ZNF592: variants seen among roughly 807,000 people sequenced by gnomAD.
The protein encoded by ZNF592 is zinc finger protein 592.
Under a neutral mutation model 80.3 loss-of-function variants are expected in ZNF592, and 11 were observed. The observed-to-expected ratio is 0.14, with a 90% CI of 0.09 to 0.23. The LOEUF is 0.23. ZNF592 is among the 10% of genes least tolerant of loss of function. The pLI is 1.00. For synonymous variants in ZNF592, 646 were observed against 640.3 expected (o/e 1.01, Z -0.13); for missense variants, 1,420 against 1,633.9 (o/e 0.87, Z 2.26).
chr15:84,782,870 C>A lies in ZNF592; in HGVS notation c.195C>A (p.Ala65=). Reference sequence around the variant, plus strand: ...CAGGATCAGCCCCCGATGTGCCGGCCGTGAGTGTCATTGTCAAGAACACCA... The same window carrying A: ...CAGGATCAGCCCCCGATGTGCCGGCAGTGAGTGTCATTGTCAAGAACACCA... ...SHSGSAPDVP[A]VSVIVKNTSR... is the part of the protein sequence containing the mutation. The change falls in exon 4 of 11, where the codon GCC becomes GCA. Residue 65 remains alanine, a synonymous_variant. Transcript: ENST00000560079. The A allele has an allele frequency of 6.2e-7, 1 of 1,614,074 alleles. No individual in the cohort carries two copies. Among genetic ancestry groups the A allele is most frequent in the Non-Finnish European group, 8.5e-7 (1 of 1,180,014 alleles).
intron 10 of ZNF592, 131 bp downstream of exon 10, chr15:84,800,108 C>A: frequency 7.1e-7 from 1 of 1,404,330 alleles, no homozygotes; most frequent in Non-Finnish European, 1.0e-6. Context: ...GGGTCACTCT[C>A]TAGTCCTGTG....
rs1298346438 is a variant in ZNF592, at chr15:84,783,255, C to T, written c.580C>T (p.Leu194=). 2 of 1,614,194 alleles carry T rather than the reference C, an allele frequency of 1.2e-6. No individual in the cohort carries two copies. The highest frequency in any genetic ancestry group is 4.5e-5 in the East Asian group (2 of 44,882). ...TCTGGCTAAGTTTCCGGTTCCAGAGCTGCATATGTTTGATCATTTTTGTAA... is the reference window on the plus strand; with the variant it reads ...TCTGGCTAAGTTTCCGGTTCCAGAGTTGCATATGTTTGATCATTTTTGTAA... ...EALAKFPVPE[L]HMFDHFCKKE... is the part of the protein sequence containing the mutation. Residue 194 remains leucine (L), a synonymous_variant, in exon 4 of 11, where the codon CTG becomes TTG. Transcript: ENST00000560079. The surrounding 1 kb of genome is among the most constrained non-coding windows in gnomAD (Gnocchi z 5.0).
In ZNF592 at chr15:84,805,968, T is replaced by C. The variant is rs1963225933; in HGVS notation, c.*3575T>C. The C allele has an allele frequency of 6.6e-6, 1 of 152,638 alleles. No homozygotes were observed. The highest frequency in any genetic ancestry group is 1.5e-5 in the Non-Finnish European group (1 of 68,040). The allele number at this position is 152,638 out of a possible 1,614,324, so 9.5% of individuals were successfully genotyped here. On this transcript the variant is annotated 3_prime_UTR_variant, in exon 11 of 11. Coordinates refer to ENST00000560079, the MANE Select transcript of ZNF592 (RefSeq NM_014630.3). ...TCTATTTTTAATACAAATAGTAGAA[T>C]TCTATACACAGTGTTCTGAAGCTTG... is the stretch of plus-strand genomic sequence containing the variant.
At chr15:84,790,644 G>T (rs1962719970) in intron 4 of ZNF592, 61 bp from the exon 5 acceptor site, 9 of 1,580,046 alleles carry the variant, frequency 5.7e-6, no homozygotes, top group African/African-American at 1.3e-5. Flanking sequence ...AGACAGCCCT[G>T]ATTGGAGAGC....
At chr15:84,785,578 C>G (rs1294297285) in intron 4 of ZNF592, among the ~76,000 whole-genome samples, 2 of 152,214 alleles carry the variant, frequency 1.3e-5, no homozygotes, top group African/African-American at 2.4e-5. Flanking sequence ...TCCCAGAGTG[C>G]TGGGATTACA....
intron 5 of ZNF592, 67 bp downstream of exon 5, chr15:84,790,950 C>T: frequency 6.3e-7 from 1 of 1,599,084 alleles, no homozygotes; most frequent in South Asian, 1.1e-5. Flanking sequence ...AGCCAGAACT[C>T]ATTTCAGATA....
At position 84,778,263 on chromosome 15, in the gene ZNF592, G is replaced by A. The variant is rs1004246210; in HGVS notation, c.-69G>A. The A allele has an allele frequency of 1.7e-5, 5 of 285,730 alleles. No individual in the cohort carries two copies. Among genetic ancestry groups the A allele is most frequent in the African/African-American group, 4.5e-5 (2 of 43,982 alleles). 17.7% of individuals were successfully genotyped at this position (285,730 alleles called of 1,614,324 possible). The stretch of plus-strand genomic sequence containing the variant: ...CCCGTACGGAGACAGAGGGAGGGGG[G>A]GCTCCAAAGCCGAAAGAGGAGGTCC... On this transcript the variant is annotated 5_prime_UTR_variant, in exon 3 of 11. Coordinates refer to ENST00000560079, the MANE Select transcript of ZNF592 (RefSeq NM_014630.3).
chr15:84,799,016 GCCCAT>G lies in ZNF592; in HGVS notation c.3025-81_3025-77del, dbSNP rs1207228613. 2.5e-6 allele frequency: 4 copies of G among 1,594,266 alleles called. No individual in the cohort carries two copies. In the Admixed American group the frequency reaches 6.7e-5, roughly 27 times the overall value. ...GGTCTTCGGGAGTATCCTCCTTTCTGCCCATGGCATCTGAGAAGAAAAATGCACCC... is the reference window on the plus strand; with the variant it reads ...GGTCTTCGGGAGTATCCTCCTTTCTGGGCATCTGAGAAGAAAAATGCACCC... On this transcript the variant is annotated intron_variant, in intron 8 of 10. Coordinates refer to ENST00000560079, the MANE Select transcript of ZNF592 (RefSeq NM_014630.3). This position sits in a 1 kb window ranked among gnomAD's most constrained non-coding sequence, Gnocchi z 4.2.
intron 3 of ZNF592, among the ~76,000 whole-genome samples, chr15:84,778,735 C>G (rs1049433523): frequency 6.6e-6 from 1 of 152,186 alleles, no homozygotes; most frequent in Non-Finnish European, 1.5e-5. Context: ...GGCGATGACT[C>G]TTTCTGGCTA....
At chr15:84,778,142 A>G (rs1469051204) in intron 2 of ZNF592, 41 bp from the exon 3 acceptor site, 1 of 152,870 alleles carries the variant, frequency 6.5e-6, no homozygotes, top group East Asian at 1.9e-4. Context: ...TATTTTACTT[A>G]TTGCTTTGTA....
At chr15:84,801,327 A>G (rs913218288) in intron 10 of ZNF592, among the ~76,000 whole-genome samples, 1 of 152,046 alleles carries the variant, frequency 6.6e-6, no homozygotes, top group African/African-American at 2.4e-5. Flanking sequence ...TGTCTCAAAA[A>G]TGAAATGAAA....
chr15:84,777,926 G>A (rs903476121), intron 2 of ZNF592, among the ~76,000 whole-genome samples: 1 of 151,980 alleles, frequency 6.6e-6, no homozygotes, highest in Non-Finnish European at 1.5e-5. Context: ...TCTCCAACTC[G>A]TGACCTGGTG....
chr15:84,761,163 G>A (rs1443344925), intron 1 of ZNF592, among the ~76,000 whole-genome samples: 1 of 151,914 alleles, frequency 6.6e-6, no homozygotes, highest in African/African-American at 2.4e-5. Flanking sequence ...ATGGGGTTTC[G>A]CCATGTTGGC....
Position 84,799,253 on chromosome 15 carries a change from A to G in ZNF592, c.3137+43A>G. 6.3e-7 allele frequency: 1 copy of G among 1,584,502 alleles called. No homozygotes were observed. Among genetic ancestry groups the G allele is most frequent in the Non-Finnish European group, 8.7e-7 (1 of 1,153,000 alleles). On this transcript the variant is annotated intron_variant, in intron 9 of 10. Transcript: ENST00000560079. The surrounding 1 kb of genome is among the most constrained non-coding windows in gnomAD (Gnocchi z 4.2). Reference sequence around the variant, plus strand: ...GTAGTGAGGAGGCCTGAGGTTCAAAAGACTCTGTCCGTGGCACCACTGGGG... The same window carrying G: ...GTAGTGAGGAGGCCTGAGGTTCAAAGGACTCTGTCCGTGGCACCACTGGGG...
At chr15:84,780,118 A>G (rs1962379735) in intron 3 of ZNF592, among the ~76,000 whole-genome samples, 1 of 151,138 alleles carries the variant, frequency 6.6e-6, no homozygotes, top group Non-Finnish European at 1.5e-5. Flanking sequence ...TCCCAAGTAG[A>G]TGGTACTACA....
Position 84,778,293 on chromosome 15 carries a change from C to T in ZNF592, c.-39C>T. ...CAAAGCCGAAAGAGGAGGTCCCTACCTGCCACGGATACCAGTCAGGTACAC... is the reference window on the plus strand; with the variant it reads ...CAAAGCCGAAAGAGGAGGTCCCTACTTGCCACGGATACCAGTCAGGTACAC... On this transcript the variant is annotated 5_prime_UTR_variant, in exon 3 of 11. Transcript: ENST00000560079. 2 of 279,536 alleles carry T rather than the reference C, an allele frequency of 7.2e-6. No homozygotes were observed. Among genetic ancestry groups the T allele is most frequent in the South Asian group, 6.3e-5 (2 of 31,820 alleles). The allele number at this position is 279,536 out of a possible 1,614,324, so 17.3% of individuals were successfully genotyped here.
rs1962538250 is a variant in ZNF592, at chr15:84,784,705, C to T, written c.2030C>T (p.Pro677Leu). 9 of 1,614,118 alleles carry T rather than the reference C, an allele frequency of 5.6e-6. No individual in the cohort carries two copies. In the East Asian group the frequency reaches 2.0e-4, roughly 36 times the overall value. ...TCCACGGCACCAGCAGCCCCAGCCC[C>T]TTCATCCTCTCCCAAACATGGCCTC... ...VNSTAPAAPA[P>L]SSSPKHGLTS... Residue 677 changes from proline (P) to leucine (L), a missense_variant, in exon 4 of 11, where the codon CCT becomes CTT. Physicochemically the swap from Pro to Leu is moderately conservative, Grantham distance 98. This residue lies in a region of ZNF592 where 524 missense variants were observed against 628.3 expected (regional missense o/e 0.83). Coordinates refer to ENST00000560079, the MANE Select transcript of ZNF592 (RefSeq NM_014630.3). The surrounding 1 kb of genome is among the most constrained non-coding windows in gnomAD (Gnocchi z 5.8).
At chr15:84,777,610 G>A (rs1962294500) in intron 2 of ZNF592, among the ~76,000 whole-genome samples, 1 of 150,486 alleles carries the variant, frequency 6.6e-6, no homozygotes, top group African/African-American at 2.4e-5. Context: ...ATGAAGTTAT[G>A]TAAATAATAC....
chr15:84,793,081 T>A (rs1246429537), intron 5 of ZNF592, among the ~76,000 whole-genome samples: 3 of 150,258 alleles, frequency 2.0e-5, no homozygotes, highest in East Asian at 2.0e-4. Flanking sequence ...AGAAAAAAAA[T>A]TTTTTTTTTT....
Sources: gnomAD v4.1 joint callset for allele counts (sites outside exome capture counted in the v4.1 genomes callset) on GRCh38, gnomAD v4.1.1 for gene constraint, gnomAD v4.1.1 regional missense constraint, Gnocchi (gnomAD v3.1) non-coding constraint, MANE v1.5 for transcripts, NCBI Gene and HGNC (gene_info 2026-07-23, HGNC 2026-07-21) for gene names.